The following JOSD1 variants were observed in gnomAD, a reference collection of about 807,000 sequenced individuals.
JOSD1 encodes josephin-1.
Under a neutral mutation model 24.3 loss-of-function variants are expected in JOSD1, and 11 were observed. The ratio of observed to expected loss-of-function variants is 0.45; its 90% CI spans 0.29 to 0.75. The LOEUF (loss-of-function observed/expected upper bound fraction) is 0.75, where lower values mean the gene tolerates loss of function less well. Among genes scored for constraint, JOSD1 ranks in the 30% least tolerant of loss-of-function variants. JOSD1 has a pLI of 0.11. For synonymous variants in JOSD1, 106 were observed against 93.8 expected, an observed-to-expected ratio of 1.13 and a Z score of -0.75; for missense variants, 184 against 253.5, an observed-to-expected ratio of 0.73 and a Z score of 1.86.
At chr22:38,693,210 C>G (rs1266583763) in intron 2 of JOSD1, among the ~76,000 whole-genome samples, 2 of 152,190 alleles carry the variant, frequency 1.3e-5, no homozygotes, top group Non-Finnish European at 2.9e-5. Flanking sequence ...AATTTGACCA[C>G]ACATTTGTTT....
At chr22:38,694,716 G>A (rs1305288309) in intron 2 of JOSD1, among the ~76,000 whole-genome samples, 1 of 151,954 alleles carries the variant, frequency 6.6e-6, no homozygotes, top group Non-Finnish European at 1.5e-5. Flanking sequence ...CAAAAAAGTA[G>A]CCGGGCGTGG....
rs747778555 is a variant in JOSD1, at chr22:38,699,988, G to A, written c.-1C>T. 8.2e-6 allele frequency: 13 copies of A among 1,590,622 alleles called. No individual in the cohort carries two copies. The African/African-American group carries it at 1.6e-4, about 20-fold the overall frequency. On this transcript the variant is annotated 5_prime_UTR_variant, in exon 2 of 5. Transcript: ENST00000683374. ...CTCCTTTCCATGGCACACAACTCAT[G>A]TTTTTTGTTTTAGGTTCCAGAGATG...
At chr22:38,698,217 G>T (rs903894121) in intron 2 of JOSD1, among the ~76,000 whole-genome samples, 1 of 152,144 alleles carries the variant, frequency 6.6e-6, no homozygotes, top group African/African-American at 2.4e-5. Flanking sequence ...GATCTGAGAC[G>T]AATTATTTTA....
In JOSD1 at chr22:38,689,398, G is replaced by C. The variant is rs1300877385; in HGVS notation, c.212C>G (p.Pro71Arg). 1 of 1,614,194 alleles carries C rather than the reference G, an allele frequency of 6.2e-7. No homozygotes were observed. The highest frequency in any genetic ancestry group is 8.5e-7 in the Non-Finnish European group (1 of 1,180,030). The change falls in exon 3 of 5, where the codon CCT becomes CGT. Residue 71 changes from proline (P) to arginine (R), a missense_variant. Physicochemically the swap from Pro to Arg is moderately radical, Grantham distance 103. Transcript: ENST00000683374. ...QRLSPNTMVT[P>R]HKKSMLGNGN... ...ATTTCCCAGCATGCTCTTCTTGTGA[G>C]GTGTCACCATGGTGTTTGGAGACAA...
At chr22:38,697,143 T>C (rs1206828252) in intron 2 of JOSD1, among the ~76,000 whole-genome samples, 1 of 152,254 alleles carries the variant, frequency 6.6e-6, no homozygotes, top group Non-Finnish European at 1.5e-5. Context: ...TGGTGCCTCA[T>C]AGTGCCTGGC....
rs2092505579 is a variant in JOSD1 at position 38,688,002 on chromosome 22, C to T, written c.510-1G>A. The T allele has an allele frequency of 1.2e-6, 2 of 1,607,844 alleles. No individual in the cohort carries two copies. Among genetic ancestry groups the T allele is most frequent in the Non-Finnish European group, 8.5e-7 (1 of 1,174,482 alleles). ...TCGCAAATGATGTTTTAGAAACTTC[C>T]TATGGAAAAAGAGATAGAGAAAATG... On this transcript the variant is annotated splice_acceptor_variant, in intron 4 of 4. Coordinates refer to ENST00000683374, the MANE Select transcript of JOSD1 (RefSeq NM_001360236.2). LOFTEE classifies it high-confidence loss of function.
In JOSD1 at chr22:38,690,041, C is replaced by T. The variant is rs751662906; in HGVS notation, c.186-617G>A. ...AAAACTCAGCTGCAGCACTGGTTTG[C>T]CCACCCAGCTTGAAGCCATTTACTT... On this transcript the variant is annotated intron_variant, in intron 2 of 4. Transcript: ENST00000683374. Among the ~76,000 whole-genome samples, 129 of 152,028 alleles carry T rather than the reference C, an allele frequency of 8.5e-4. 1 individual carries two copies. The highest frequency in any genetic ancestry group is 7.8e-4 in the Non-Finnish European group (53 of 68,008).
At chr22:38,696,889 G>A (rs1442109979) in intron 2 of JOSD1, among the ~76,000 whole-genome samples, 1 of 152,204 alleles carries the variant, frequency 6.6e-6, no homozygotes, top group African/African-American at 2.4e-5. Flanking sequence ...TCAACTGCTA[G>A]GATGAACTTC....
chr22:38,701,087 C>G (rs2092568612), upstream of JOSD1: 6 of 678,814 alleles, frequency 8.8e-6, no homozygotes, highest in African/African-American at 3.9e-5. Context: ...CGGCACCGGC[C>G]TGGGAGCCGC....
chr22:38,690,981 C>T (rs60814824), intron 2 of JOSD1, among the ~76,000 whole-genome samples: 3,912 of 152,236 alleles, frequency 0.026, 166 homozygotes, highest in African/African-American at 0.09. Context: ...ACATAGGAGG[C>T]AGAGGCTGGA....
intron 2 of JOSD1, among the ~76,000 whole-genome samples, chr22:38,699,035 C>A (rs991340322): frequency 6.6e-6 from 1 of 152,134 alleles, no homozygotes; most frequent in Non-Finnish European, 1.5e-5. Context: ...GGGATTACAC[C>A]GTACTTGGCC....
At chr22:38,693,075 T>C (rs2092530297) in intron 2 of JOSD1, among the ~76,000 whole-genome samples, 1 of 152,098 alleles carries the variant, frequency 6.6e-6, no homozygotes, top group South Asian at 2.1e-4. Context: ...TCCAATACAA[T>C]AACAGCTGAA....
chr22:38,693,559 C>A (rs530592412), intron 2 of JOSD1, among the ~76,000 whole-genome samples: 160 of 152,322 alleles, frequency 1.1e-3, no homozygotes, highest in African/African-American at 3.7e-3. Context: ...TCTCACTGGG[C>A]TTAGTGCACT....
chr22:38,697,872 G>A (rs879506884), intron 2 of JOSD1, among the ~76,000 whole-genome samples: 5 of 152,344 alleles, frequency 3.3e-5, no homozygotes, highest in Non-Finnish European at 7.3e-5. Context: ...GTCAGATCAG[G>A]GGCCAAATGT....
chr22:38,700,751 C>G, intron 1 of JOSD1, 49 bp downstream of exon 1: 1 of 984,152 alleles, frequency 1.0e-6, no homozygotes, highest in Non-Finnish European at 1.2e-6. Flanking sequence ...GACAGTCAGC[C>G]TCGCGCTCCC....
intron 2 of JOSD1, among the ~76,000 whole-genome samples, chr22:38,694,935 A>C (rs981588715): frequency 6.6e-6 from 1 of 151,868 alleles, no homozygotes; most frequent in Non-Finnish European, 1.5e-5. Context: ...GTGTCCTCAG[A>C]TAAGTCCTTG....
intron 2 of JOSD1, among the ~76,000 whole-genome samples, chr22:38,695,926 G>A (rs1227812827): frequency 6.6e-6 from 1 of 152,100 alleles, no homozygotes; most frequent in Non-Finnish European, 1.5e-5. Context: ...TGTGGTGGCG[G>A]GCGTCTATAC....
chr22:38,701,307 C>A (rs1206648695), upstream of JOSD1: 2 of 152,358 alleles, frequency 1.3e-5, no homozygotes, highest in African/African-American at 2.4e-5. Flanking sequence ...TTCGGGGCGG[C>A]AGCCAGGCCA....
chr22:38,688,057 C>T (rs2092505924), intron 4 of JOSD1, 56 bp from the exon 5 acceptor site: 1 of 1,269,440 alleles, frequency 7.9e-7, no homozygotes, highest in Non-Finnish European at 1.1e-6. Context: ...ATTCCAGTCT[C>T]AGGACCACAA....
Sources: gnomAD v4.1 joint callset for allele counts (sites outside exome capture counted in the v4.1 genomes callset) on GRCh38, gnomAD v4.1.1 for gene constraint, MANE v1.5 for transcripts, NCBI Gene and HGNC (gene_info 2026-07-23, HGNC 2026-07-21) for gene names.